Variants in ABCB4 observed in about 807,000 individuals in gnomAD.
ABCB4 encodes phosphatidylcholine translocator ABCB4.
Under a neutral mutation model 145.7 loss-of-function variants are expected in ABCB4, and 76 were observed. The ratio of observed to expected loss-of-function variants is 0.52; its 90% CI spans 0.43 to 0.63. The LOEUF is 0.63. Ranked by LOEUF, ABCB4 falls within the 30% of genes least tolerant of loss-of-function variation. ABCB4 has a pLI of 0.00. For synonymous variants in ABCB4, 517 were observed against 566.8 expected, an observed-to-expected ratio of 0.91 and a Z score of 1.25; for missense variants, 1,234 against 1,553.1, an observed-to-expected ratio of 0.79 and a Z score of 3.45.
chr7:87,445,741 T>G (rs1320587180), intron 9 of ABCB4, among the ~76,000 whole-genome samples: 1 of 152,158 alleles, frequency 6.6e-6, no homozygotes, highest in Non-Finnish European at 1.5e-5. Context: ...AAATATCAGT[T>G]AAATATCTAT....
At chr7:87,376,249 T>C in the ABCB4 span, among the ~76,000 whole-genome samples, 1 of 152,062 alleles carries the variant, frequency 6.6e-6, no homozygotes, top group African/African-American at 2.4e-5. Context: ...CTCAGAAAAT[T>C]TACACAGAGC....
At chr7:87,381,939 G>A in the ABCB4 span, 4 of 1,610,572 alleles carry the variant, frequency 2.5e-6, no homozygotes, top group African/African-American at 5.3e-5. Flanking sequence ...TGATTATGGT[G>A]AACATCAGTT....
chr7:87,411,803 C>A, intron 23 of ABCB4, 90 bp downstream of exon 23: 1 of 1,245,498 alleles, frequency 8.0e-7, no homozygotes, highest in African/African-American at 1.5e-5. Context: ...TCTTTGGACA[C>A]AGGAGTCATT....
intron 16 of ABCB4, among the ~76,000 whole-genome samples, chr7:87,424,688 A>C (rs1012714374): frequency 5.3e-5 from 8 of 152,172 alleles, no homozygotes; most frequent in East Asian, 1.9e-4. Context: ...TTCATAGCTT[A>C]GCTTGTCTGT....
chr7:87,413,359 C>T (rs1213370639), intron 22 of ABCB4, among the ~76,000 whole-genome samples: 1 of 152,200 alleles, frequency 6.6e-6, no homozygotes, highest in Non-Finnish European at 1.5e-5. Context: ...GCACTGATAA[C>T]CAAAGACTGT....
chr7:87,396,246 T>C, the ABCB4 span, among the ~76,000 whole-genome samples: 6 of 152,302 alleles, frequency 3.9e-5, no homozygotes, highest in African/African-American at 1.4e-4. Context: ...CTGAGCAATA[T>C]AGTAAGACCT....
chr7:87,381,630 A>T, the ABCB4 span, among the ~76,000 whole-genome samples: 1 of 152,116 alleles, frequency 6.6e-6, no homozygotes, highest in African/African-American at 2.4e-5. Context: ...ATTTATCTAG[A>T]TTGTTTATAT....
chr7:87,443,326 T>C lies in ABCB4; in HGVS notation c.1349A>G (p.Glu450Gly), dbSNP rs1189003716. 1 of 1,614,080 alleles carries C rather than the reference T, an allele frequency of 6.2e-7. No homozygotes were observed. The highest frequency in any genetic ancestry group is 8.5e-7 in the Non-Finnish European group (1 of 1,179,976). Reference sequence around the variant, plus strand: ...TTGGTTCTTCCCACTTACTGTGCCCTCATCAGGGTCATAGAGCCTCTGTAT... The same window carrying C: ...TTGGTTCTTCCCACTTACTGTGCCCCCATCAGGGTCATAGAGCCTCTGTAT... ...QLIQRLYDPD[E>G]GTINIDGQDI... The change falls in exon 12 of 28, where the codon GAG (glutamate) becomes GGG (glycine). Residue 450 changes from glutamate to glycine, a missense_variant. Around this residue, in one of 7 missense-constraint regions of ABCB4, gnomAD observed 467 missense variants for 632.8 expected, o/e 0.74. Coordinates refer to ENST00000649586, the MANE Select transcript of ABCB4 (RefSeq NM_000443.4).
chr7:87,424,097 T>TC (rs1562963128), intron 16 of ABCB4, 45 bp from the exon 17 acceptor site: 1 of 1,613,228 alleles, frequency 6.2e-7, no homozygotes, highest in Admixed American at 1.7e-5. Flanking sequence ...GACACAACAG[T>TC]TACCAGAGTC....
intron 23 of ABCB4, among the ~76,000 whole-genome samples, chr7:87,411,523 GT>G (rs1808623027): frequency 6.6e-6 from 1 of 152,100 alleles, no homozygotes; most frequent in South Asian, 2.1e-4. Context: ...CCATGTTTTG[GT>G]TGTAGATAAT....
chr7:87,407,996 A>C, intron 25 of ABCB4, 41 bp downstream of exon 25: 2 of 1,609,734 alleles, frequency 1.2e-6, no homozygotes, highest in South Asian at 2.2e-5. Context: ...TGGGCCAATT[A>C]AAATATAGCC....
intron 14 of ABCB4, 102 bp downstream of exon 14, chr7:87,439,565 T>C: frequency 5.2e-6 from 7 of 1,334,904 alleles, no homozygotes; most frequent in Non-Finnish European, 6.5e-6. Context: ...GGTAGCTCCA[T>C]TTGCTATGTT....
At chr7:87,397,215 G>C (rs1807557424), downstream of ABCB4, among the ~76,000 whole-genome samples, 1 of 152,070 alleles carries the variant, frequency 6.6e-6, no homozygotes, top group Non-Finnish European at 1.5e-5. Flanking sequence ...AGCTGGTGTG[G>C]TAGCACACAC....
chr7:87,475,246 G>A (rs1813716446), intron 2 of ABCB4, 140 bp downstream of exon 2: 1 of 969,430 alleles, frequency 1.0e-6, no homozygotes, highest in Non-Finnish European at 1.6e-6. Context: ...GGTCAGAACC[G>A]GATGCAAGAC....
chr7:87,370,774 G>A, the ABCB4 span, among the ~76,000 whole-genome samples: 1 of 152,188 alleles, frequency 6.6e-6, no homozygotes, highest in Non-Finnish European at 1.5e-5. Context: ...ATTTGAAAAA[G>A]GCTGCTGTGA....
chr7:87,375,598 ACT>A, the ABCB4 span: 5 of 1,504,644 alleles, frequency 3.3e-6, no homozygotes, highest in South Asian at 2.3e-5. Context: ...TTCTGCCTGT[ACT>A]CTTTTTTAAT....
At chr7:87,451,950 A>T in intron 6 of ABCB4, 156 bp from the exon 7 acceptor site, 1 of 711,584 alleles carries the variant, frequency 1.4e-6, no homozygotes, top group Non-Finnish European at 2.5e-6. Flanking sequence ...CCCCACCTAA[A>T]CACCGCACAA....
At chr7:87,404,504 A>G (rs1419106642) in intron 26 of ABCB4, among the ~76,000 whole-genome samples, 1 of 152,200 alleles carries the variant, frequency 6.6e-6, no homozygotes, top group Non-Finnish European at 1.5e-5. Flanking sequence ...TAAAAGGAAG[A>G]ATTGGTAAAT....
At chr7:87,448,115 A>C (rs1230541690) in intron 8 of ABCB4, among the ~76,000 whole-genome samples, 1 of 152,122 alleles carries the variant, frequency 6.6e-6, no homozygotes, top group Non-Finnish European at 1.5e-5. Context: ...CTGTTAAATT[A>C]CAATTTTTTT....
Sources: allele counts gnomAD v4.1 joint callset (sites outside exome capture counted in the v4.1 genomes callset), GRCh38; gene constraint gnomAD v4.1.1; regional missense constraint gnomAD v4.1.1; transcripts MANE v1.5; gene names NCBI Gene and HGNC (gene_info 2026-07-23, HGNC 2026-07-21).